The following WDR47 variants were observed in gnomAD, a reference collection of about 807,000 sequenced individuals.
The protein encoded by WDR47 is WD repeat-containing protein 47.
Under a neutral mutation model 97.2 loss-of-function variants are expected in WDR47, and 32 were observed. That is an observed-to-expected ratio of 0.33 (90% confidence interval 0.25 to 0.44). The LOEUF (loss-of-function observed/expected upper bound fraction) is 0.44, where lower values mean the gene tolerates loss of function less well. WDR47 is among the 20% of genes least tolerant of loss of function. The pLI is 1.00. For synonymous variants in WDR47, 375 were observed against 373.5 expected (o/e 1.00, Z -0.05); for missense variants, 782 against 1,102.3 (o/e 0.71, Z 4.11).
intron 1 of WDR47, among the ~76,000 whole-genome samples, chr1:109,034,961 T>C (rs1356226143): frequency 6.6e-6 from 1 of 151,828 alleles, no homozygotes; most frequent in African/African-American, 2.4e-5. Flanking sequence ...TAAATAAATA[T>C]ACAAAGGTCT....
At chr1:109,039,145 C>CT (rs1440613093) in intron 1 of WDR47, among the ~76,000 whole-genome samples, 2 of 152,156 alleles carry the variant, frequency 1.3e-5, no homozygotes, top group African/African-American at 4.8e-5. Context: ...TGAGCATTTA[C>CT]TATGTATTAA....
intron 5 of WDR47, among the ~76,000 whole-genome samples, chr1:109,010,578 A>ATTTTTTTTTTTTTTTTTTT (rs199821610): frequency 9.8e-6 from 1 of 101,712 alleles, no homozygotes; most frequent in Admixed American, 1.1e-4. Flanking sequence ...AGATTTCCTA[A>ATTTTTTTTTTTTTTTTTTT]TTTTTTTTTT....
intron 13 of WDR47, among the ~76,000 whole-genome samples, chr1:108,980,492 G>T (rs1658257849): frequency 6.6e-6 from 1 of 152,138 alleles, no homozygotes; most frequent in Non-Finnish European, 1.5e-5. Context: ...ACTTTGGGAG[G>T]TGGAGGCAGG....
intron 3 of WDR47, among the ~76,000 whole-genome samples, chr1:109,015,350 G>A (rs910718090): frequency 4.6e-5 from 7 of 152,186 alleles, no homozygotes; most frequent in African/African-American, 1.7e-4. Flanking sequence ...TTGAGACAGA[G>A]TCCTGCTCTG....
chr1:108,999,796 G>A (rs1245691842), intron 7 of WDR47, among the ~76,000 whole-genome samples: 1 of 152,124 alleles, frequency 6.6e-6, no homozygotes, highest in Non-Finnish European at 1.5e-5. Context: ...TATTGGGGAG[G>A]AGGGTCACAG....
At chr1:108,997,733 C>T (rs1659864129) in intron 7 of WDR47, among the ~76,000 whole-genome samples, 2 of 119,918 alleles carry the variant, frequency 1.7e-5, no homozygotes, top group East Asian at 5.3e-4. Context: ...GCACTCCAGC[C>T]TGGGCAACAG....
intron 12 of WDR47, among the ~76,000 whole-genome samples, chr1:108,982,190 G>A (rs564673430): frequency 6.6e-6 from 1 of 152,174 alleles, no homozygotes; most frequent in East Asian, 1.9e-4. Context: ...TTATCAAATA[G>A]ATTGACAATT....
intron 10 of WDR47, among the ~76,000 whole-genome samples, 198 bp downstream of exon 10, chr1:108,986,325 A>C (rs1658802858): frequency 6.6e-6 from 1 of 152,236 alleles, no homozygotes; most frequent in Non-Finnish European, 1.5e-5. Context: ...TTTATGAAAA[A>C]ATTATGAAGT....
intron 5 of WDR47, 35 bp from the exon 6 acceptor site, chr1:109,004,750 A>C: frequency 1.0e-5 from 16 of 1,562,290 alleles, no homozygotes; most frequent in Non-Finnish European, 1.4e-5. Context: ...ACAAAAAGGC[A>C]GAGGGGGGAG....
chr1:108,970,826 T>C lies in WDR47; in HGVS notation c.*604A>G, dbSNP rs1229324776. 6.6e-6 allele frequency: 1 copy of C among 152,400 alleles called. No individual in the cohort carries two copies. The highest frequency in any genetic ancestry group is 1.5e-5 in the Non-Finnish European group (1 of 68,064). 9.4% of individuals were successfully genotyped at this position (152,400 alleles called of 1,614,324 possible). On this transcript the variant is annotated 3_prime_UTR_variant, in exon 15 of 15. Coordinates refer to ENST00000369962, the MANE Select transcript of WDR47 (RefSeq NM_001142551.2). ...CCTGGGTTTAAGAAAAAAGGGCCTA[T>C]ACCATGTAGTAAACTAAGAAGCAGT... is the stretch of plus-strand genomic sequence containing the variant.
intron 5 of WDR47, among the ~76,000 whole-genome samples, chr1:109,007,218 A>G (rs2101924511): frequency 6.8e-6 from 1 of 147,774 alleles, no homozygotes; most frequent in South Asian, 2.1e-4. Flanking sequence ...TTAAATGTAT[A>G]CTCAAAAAAA....
intron 8 of WDR47, among the ~76,000 whole-genome samples, chr1:108,993,227 A>T (rs1659496823): frequency 6.6e-6 from 1 of 152,070 alleles, no homozygotes; most frequent in South Asian, 2.1e-4. Context: ...AGGGTAGCTT[A>T]GGCACAAGAA....
rs978592637 is a variant in WDR47 at position 109,023,392 on chromosome 1, T to C, written c.121A>G (p.Ile41Val). 2.5e-6 allele frequency: 4 copies of C among 1,613,870 alleles called. No individual in the cohort carries two copies. Among genetic ancestry groups the C allele is most frequent in the Non-Finnish European group, 3.4e-6 (4 of 1,179,906 alleles). ...ATATCATCTGAAAACAGGCCATTTA[T>C]GACTCCACTTTCCTTCTCCAGGGCC... is the stretch of plus-strand genomic sequence containing the variant. ...MLALEKESGV[I>V]NGLFSDDMLF... Residue 41 changes from isoleucine to valine, a missense_variant, in exon 2 of 15, where the codon ATA (isoleucine) becomes GTA (valine). Ile to Val is a conservative substitution (Grantham distance 29). Around this residue, in one of 3 missense-constraint regions of WDR47, gnomAD observed 428 missense variants for 584.3 expected, o/e 0.73. Transcript: ENST00000369962.
chr1:108,994,486 G>A (rs898054342), intron 8 of WDR47, among the ~76,000 whole-genome samples: 15 of 152,122 alleles, frequency 9.9e-5, no homozygotes, highest in African/African-American at 2.4e-4. Context: ...GTTCACTCCT[G>A]TAATCCCAGG....
At position 109,032,369 on chromosome 1, in the gene WDR47, G is replaced by A. The variant is rs1163536169; in HGVS notation, c.-9-8848C>T. Reference sequence around the variant, plus strand: ...TAAAAATACAGAAGATTAGCCAGGCGTGGTGACGGGCGCCTGTAGTCCCAG... The same window carrying A: ...TAAAAATACAGAAGATTAGCCAGGCATGGTGACGGGCGCCTGTAGTCCCAG... On this transcript the variant is annotated intron_variant, in intron 1 of 14. Transcript: ENST00000369962. Among the ~76,000 whole-genome samples, 19 of 135,624 alleles carry A rather than the reference G, an allele frequency of 1.4e-4. 3 individuals are homozygous for A. Among genetic ancestry groups the A allele is most frequent in the African/African-American group, 3.4e-4 (13 of 37,800 alleles). 89.0% of individuals were successfully genotyped at this position (135,624 alleles called of 152,430 possible). A position where few individuals can be genotyped will look rare whatever the true frequency, so the allele number is the denominator to read the frequency against.
At chr1:109,004,922 T>C (rs908833215) in intron 5 of WDR47, among the ~76,000 whole-genome samples, 1 of 152,008 alleles carries the variant, frequency 6.6e-6, no homozygotes, top group African/African-American at 2.4e-5. Flanking sequence ...TCCAGAGCAG[T>C]TGGGATTACA....
At chr1:109,002,551 G>T in intron 6 of WDR47, 149 bp from the exon 7 acceptor site, 1 of 698,164 alleles carries the variant, frequency 1.4e-6, no homozygotes, top group Non-Finnish European at 2.2e-6. Context: ...TTGAAAAACA[G>T]TATGTGTCTT....
chr1:108,980,736 A>G (rs1658275543), intron 13 of WDR47, among the ~76,000 whole-genome samples: 1 of 151,778 alleles, frequency 6.6e-6, no homozygotes, highest in Admixed American at 6.6e-5. Flanking sequence ...CTCAACAACA[A>G]CAACAACAAA....
chr1:108,988,322 A>G (rs566088554), intron 9 of WDR47, among the ~76,000 whole-genome samples: 2 of 151,886 alleles, frequency 1.3e-5, no homozygotes, highest in East Asian at 3.9e-4. Flanking sequence ...AAAAAAGCCC[A>G]CTAGAAGTTC....
Sources: allele counts gnomAD v4.1 joint callset (sites outside exome capture counted in the v4.1 genomes callset), GRCh38; gene constraint gnomAD v4.1.1; regional missense constraint gnomAD v4.1.1; transcripts MANE v1.5; gene names NCBI Gene and HGNC (gene_info 2026-07-23, HGNC 2026-07-21).